IL2RB: variants seen among roughly 807,000 people sequenced by gnomAD.
The protein encoded by IL2RB is interleukin-2 receptor subunit beta.
IL2RB carries 17 observed loss-of-function variants against 44.2 expected under a neutral mutation model. The ratio of observed to expected loss-of-function variants is 0.38; its 90% CI spans 0.26 to 0.58. The LOEUF is 0.58. Among genes scored for constraint, IL2RB ranks in the 20% least tolerant of loss-of-function variants. The pLI is 0.63. For missense variants in IL2RB, 624 were observed against 685.5 expected, an observed-to-expected ratio of 0.91 and a Z score of 1.00; for synonymous variants, 286 against 297.9, an observed-to-expected ratio of 0.96 and a Z score of 0.41.
At chr22:37,137,478 A>C in intron 6 of IL2RB, 109 bp downstream of exon 6, 1 of 1,171,940 alleles carries the variant, frequency 8.5e-7, no homozygotes, top group South Asian at 1.4e-5. Flanking sequence ...TCAGCCACCC[A>C]CCATCCACCT....
rs900067217 is a variant in IL2RB at position 37,127,890 on chromosome 22, C to T, written c.*206G>A. Reference sequence around the variant, plus strand: ...CCTGCAACACACACAGTTCCTGGCTCGGGCAGCAGGACCCGGGAGCAGCAG... The same window carrying T: ...CCTGCAACACACACAGTTCCTGGCTTGGGCAGCAGGACCCGGGAGCAGCAG... On this transcript the variant is annotated 3_prime_UTR_variant, in exon 10 of 10. Transcript: ENST00000216223. 4 of 411,346 alleles carry T rather than the reference C, an allele frequency of 9.7e-6. No individual in the cohort carries two copies. Among genetic ancestry groups the T allele is most frequent in the African/African-American group, 2.1e-5 (1 of 48,612 alleles). The allele number at this position is 411,346 out of a possible 1,614,324, so 25.5% of individuals were successfully genotyped here.
chr22:37,149,164 G>C (rs1317399029), intron 1 of IL2RB, among the ~76,000 whole-genome samples: 1 of 152,118 alleles, frequency 6.6e-6, no homozygotes, highest in Non-Finnish European at 1.5e-5. Context: ...GAGAGCATGA[G>C]CTCCAGGCAG....
rs1922120329 is a variant in IL2RB at position 37,144,215 on chromosome 22, G to A, written c.-33-10C>T. The A allele has an allele frequency of 6.5e-7, 1 of 1,538,874 alleles. No homozygotes were observed. The highest frequency in any genetic ancestry group is 8.8e-7 in the Non-Finnish European group (1 of 1,141,156). ...GCCGAGGAAGGAAGCCCTGGTGGGAGAGGAGAAAGAGAGAGCACACGTAAA... is the reference window on the plus strand; with the variant it reads ...GCCGAGGAAGGAAGCCCTGGTGGGAAAGGAGAAAGAGAGAGCACACGTAAA... On this transcript the variant is annotated splice_polypyrimidine_tract_variant and intron_variant, in intron 1 of 9. Coordinates refer to ENST00000216223, the MANE Select transcript of IL2RB (RefSeq NM_000878.5).
intron 1 of IL2RB, among the ~76,000 whole-genome samples, chr22:37,145,252 G>A (rs756558526): frequency 1.1e-4 from 17 of 152,132 alleles, no homozygotes; most frequent in South Asian, 2.1e-4. Flanking sequence ...GTCCACACTC[G>A]TACTCCCCTA....
At chr22:37,149,345 T>C (rs1922376550) in intron 1 of IL2RB, among the ~76,000 whole-genome samples, 1 of 152,152 alleles carries the variant, frequency 6.6e-6, no homozygotes, top group Non-Finnish European at 1.5e-5. Context: ...AAGGGGACCC[T>C]TCTGTCCCCA....
upstream of IL2RB, among the ~76,000 whole-genome samples, chr22:37,150,364 C>A (rs959475257): frequency 2.0e-5 from 3 of 152,086 alleles, no homozygotes; most frequent in African/African-American, 4.8e-5. Flanking sequence ...ACCATCTTTC[C>A]GAGACTCCCA....
At chr22:37,144,599 G>T (rs1197748823) in intron 1 of IL2RB, among the ~76,000 whole-genome samples, 1 of 152,166 alleles carries the variant, frequency 6.6e-6, no homozygotes, top group South Asian at 2.1e-4. Flanking sequence ...ACAAAAATTA[G>T]CCGGGCAAGG....
At chr22:37,147,349 C>T (rs1922274623) in intron 1 of IL2RB, among the ~76,000 whole-genome samples, 1 of 152,178 alleles carries the variant, frequency 6.6e-6, no homozygotes, top group Admixed American at 6.5e-5. Flanking sequence ...GCCCAGTGCC[C>T]AGGCAGGGAT....
chr22:37,129,319 T>G (rs964592472), intron 9 of IL2RB, among the ~76,000 whole-genome samples: 4 of 152,206 alleles, frequency 2.6e-5, no homozygotes, highest in African/African-American at 7.2e-5. Context: ...AGACGGGACA[T>G]GCCCTGGCCC....
intron 1 of IL2RB, among the ~76,000 whole-genome samples, chr22:37,170,723 C>G (rs1923254573): frequency 6.6e-6 from 1 of 152,208 alleles, no homozygotes; most frequent in Non-Finnish European, 1.5e-5. Context: ...CACACACTTC[C>G]CTCAGTTCCT....
At chr22:37,155,474 T>C (rs1922647440) in intron 1 of IL2RB, among the ~76,000 whole-genome samples, 1 of 152,228 alleles carries the variant, frequency 6.6e-6, no homozygotes. Flanking sequence ...CCCATCTTCA[T>C]CTCTGACCCT....
intron 1 of IL2RB, among the ~76,000 whole-genome samples, chr22:37,171,610 T>C (rs909081690): frequency 2.0e-5 from 3 of 152,176 alleles, no homozygotes; most frequent in African/African-American, 7.2e-5. Context: ...CAGGCAGAAC[T>C]GGAGGAAGGA....
In IL2RB at chr22:37,128,689, G is replaced by T; in HGVS notation, c.1063C>A (p.Leu355Met). The T allele has an allele frequency of 6.2e-7, 1 of 1,614,194 alleles. No homozygotes were observed. The change falls in exon 10 of 10, where the codon CTG becomes ATG. Residue 355 changes from leucine to methionine, a missense_variant. By Grantham distance (15) the Leu-to-Met change is conservative (BLOSUM62 2). Around this residue, in one of 3 missense-constraint regions of IL2RB, gnomAD observed 291 missense variants for 275.5 expected, o/e 1.06. Coordinates refer to ENST00000216223, the MANE Select transcript of IL2RB (RefSeq NM_000878.5). The surrounding 1 kb of genome is among the most constrained non-coding windows in gnomAD (Gnocchi z 4.5). ...CCCTGGTTGGTGAAGCAGCTGGTCA[G>T]CGAGTGGTTGCTGCTTAAGGATGCG... ...EPASLSSNHS[L>M]TSCFTNQGYF...
chr22:37,153,660 T>C (rs1021537720), upstream of IL2RB, among the ~76,000 whole-genome samples: 2 of 152,154 alleles, frequency 1.3e-5, no homozygotes, highest in African/African-American at 4.8e-5. Flanking sequence ...GCCTCAAATA[T>C]TCCCAGAAGC....
In IL2RB at chr22:37,141,287, A is replaced by C. The variant is rs1311019806; in HGVS notation, c.282+1147T>G. ...CAAGCAGGGAGCACGCAGGAGACCC[A>C]CCCTCCCGGGCACAGCTGCAGCTAC... is the stretch of plus-strand genomic sequence containing the variant. On this transcript the variant is annotated intron_variant, in intron 4 of 9. Transcript: ENST00000216223. This position sits in a 1 kb window ranked among gnomAD's most constrained non-coding sequence, Gnocchi z 4.4. 6.7e-6 allele frequency among the ~76,000 whole-genome samples: 1 copy of C among 149,154 alleles called. No individual in the cohort carries two copies.
chr22:37,147,273 G>A (rs1922269846), intron 1 of IL2RB, among the ~76,000 whole-genome samples: 1 of 152,246 alleles, frequency 6.6e-6, no homozygotes, highest in Admixed American at 6.5e-5. Flanking sequence ...ACACAGAGGT[G>A]AAGTGCGTTG....
Position 37,143,649 on chromosome 22 carries a change from T to C in IL2RB, c.89-14A>G. On this transcript the variant is annotated splice_polypyrimidine_tract_variant and intron_variant, in intron 2 of 9. Coordinates refer to ENST00000216223, the MANE Select transcript of IL2RB (RefSeq NM_000878.5). Reference sequence around the variant, plus strand: ...ACTGGGAAGTGCCTGCCGGGCAAGATGAGGTGTGAGTGCTGACTGTAGGTG... The same window carrying C: ...ACTGGGAAGTGCCTGCCGGGCAAGACGAGGTGTGAGTGCTGACTGTAGGTG... 1 of 1,585,364 alleles carries C rather than the reference T, an allele frequency of 6.3e-7. No individual in the cohort carries two copies. The highest frequency in any genetic ancestry group is 1.3e-5 in the African/African-American group (1 of 74,354).
intron 1 of IL2RB, among the ~76,000 whole-genome samples, chr22:37,168,516 CT>C (rs1210773750): frequency 2.6e-5 from 4 of 152,220 alleles, no homozygotes; most frequent in Non-Finnish European, 1.5e-5. Context: ...GGATAAGTTC[CT>C]TTACCTCTCT....
chr22:37,163,016 G>A (rs1034904431), intron 1 of IL2RB, among the ~76,000 whole-genome samples: 1 of 152,238 alleles, frequency 6.6e-6, no homozygotes. Context: ...GCACTGGACT[G>A]AGGGTTTGGA....
Sources: gnomAD v4.1 joint callset for allele counts (sites outside exome capture counted in the v4.1 genomes callset) on GRCh38, gnomAD v4.1.1 for gene constraint, gnomAD v4.1.1 regional missense constraint, Gnocchi (gnomAD v3.1) non-coding constraint, MANE v1.5 for transcripts, NCBI Gene and HGNC (gene_info 2026-07-23, HGNC 2026-07-21) for gene names.